Variants in COL13A1 observed in about 807,000 individuals in gnomAD.
COL13A1 encodes the protein collagen alpha-1(XIII) chain.
Under a neutral mutation model 130.9 loss-of-function variants are expected in COL13A1, and 89 were observed. The ratio of observed to expected loss-of-function variants is 0.68; its 90% CI spans 0.57 to 0.81. COL13A1 has a LOEUF of 0.81. COL13A1 is among the 30% of genes least tolerant of loss of function. The pLI is 0.00. For synonymous variants in COL13A1, 402 were observed against 341.6 expected (o/e 1.18, Z -1.95); for missense variants, 879 against 934.6 (o/e 0.94, Z 0.78).
intron 40 of COL13A1, among the ~76,000 whole-genome samples, chr10:69,957,596 T>A (rs986386545): frequency 6.6e-6 from 1 of 152,224 alleles, no homozygotes; most frequent in African/African-American, 2.4e-5. Flanking sequence ...TGAGTTTTCA[T>A]TGATTCACAC....
intron 31 of COL13A1, among the ~76,000 whole-genome samples, chr10:69,934,567 C>T (rs946214205): frequency 1.3e-5 from 2 of 152,180 alleles, no homozygotes; most frequent in Non-Finnish European, 2.9e-5. Context: ...GAAGCCGAGG[C>T]GGGGTGAGCA....
chr10:69,935,758 C>T (rs2066748332), intron 32 of COL13A1, among the ~76,000 whole-genome samples: 1 of 152,152 alleles, frequency 6.6e-6, no homozygotes, highest in Non-Finnish European at 1.5e-5. Context: ...TGATACCAAT[C>T]TGGCACTCTG....
intron 2 of COL13A1, among the ~76,000 whole-genome samples, chr10:69,856,310 C>A (rs1270548857): frequency 6.6e-6 from 1 of 152,186 alleles, no homozygotes. Context: ...CCATTTTAGG[C>A]ACACAGGCAA....
intron 24 of COL13A1, 134 bp downstream of exon 24, chr10:69,923,989 C>T (rs1339228475): frequency 2.4e-6 from 3 of 1,269,950 alleles, no homozygotes; most frequent in African/African-American, 3.0e-5. Flanking sequence ...TCCCTAATTC[C>T]TGGTTGGCTT....
At position 69,905,042 on chromosome 10, in the gene COL13A1, G is replaced by A. The variant is rs1378267910; in HGVS notation, c.885+83G>A. 12 of 1,472,028 alleles carry A rather than the reference G, an allele frequency of 8.2e-6. No individual in the cohort carries two copies. In the Admixed American group the frequency reaches 2.2e-4, roughly 28 times the overall value. The allele number at this position is 1,472,028 out of a possible 1,614,324, so 91.2% of individuals were successfully genotyped here. ...GGGGGAGGCAGCACAGAAGGTGACT[G>A]AGGCAGGAGCAGAGAGGGATCTCAG... is the stretch of plus-strand genomic sequence containing the variant. On this transcript the variant is annotated intron_variant, in intron 16 of 40. Coordinates refer to ENST00000645393, the MANE Select transcript of COL13A1 (RefSeq NM_001368882.1).
chr10:69,827,780 T>G (rs1847850448), intron 2 of COL13A1, among the ~76,000 whole-genome samples: 1 of 152,176 alleles, frequency 6.6e-6, no homozygotes, highest in African/African-American at 2.4e-5. Flanking sequence ...CTTGCCTTAT[T>G]TTCCCTGGCA....
At chr10:69,900,818 C>A (rs1055939829) in intron 14 of COL13A1, among the ~76,000 whole-genome samples, 3 of 152,156 alleles carry the variant, frequency 2.0e-5, no homozygotes, top group Non-Finnish European at 4.4e-5. Flanking sequence ...TGGGTCCTGG[C>A]GCCACCCTGA....
intron 1 of COL13A1, among the ~76,000 whole-genome samples, chr10:69,816,831 GA>G (rs1844664704): frequency 6.6e-6 from 1 of 152,166 alleles, no homozygotes; most frequent in Non-Finnish European, 1.5e-5. Flanking sequence ...GTTCTTAGGG[GA>G]CAGTAGGGGA....
chr10:69,882,373 G>A (rs1001743390), intron 7 of COL13A1, among the ~76,000 whole-genome samples: 1 of 150,018 alleles, frequency 6.7e-6, no homozygotes, highest in Admixed American at 6.6e-5. Context: ...GGGCAGTAGA[G>A]CCTCTGCTCC....
At chr10:69,838,531 T>C (rs1310047911) in intron 2 of COL13A1, among the ~76,000 whole-genome samples, 1 of 152,236 alleles carries the variant, frequency 6.6e-6, no homozygotes, top group Non-Finnish European at 1.5e-5. Context: ...ATCAGTGGTA[T>C]TGAGCTGCTG....
chr10:69,848,983 G>A (rs1853933002), intron 2 of COL13A1, among the ~76,000 whole-genome samples: 3 of 152,102 alleles, frequency 2.0e-5, no homozygotes, highest in Admixed American at 1.3e-4. Context: ...AGACACCCAG[G>A]GTGCCTTGAC....
intron 21 of COL13A1, 49 bp from the exon 22 acceptor site, chr10:69,921,833 T>C: frequency 1.3e-6 from 2 of 1,574,596 alleles, no homozygotes; most frequent in Non-Finnish European, 1.7e-6. Context: ...TTCCCAAACC[T>C]GCTGCAGAAA....
intron 3 of COL13A1, among the ~76,000 whole-genome samples, chr10:69,870,333 G>A (rs74912000): frequency 0.2 from 29,697 of 150,552 alleles, 3,154 homozygotes; most frequent in Middle Eastern, 0.26. Context: ...GAGAGTGAGA[G>A]GCAGGGTCTC....
chr10:69,860,938 G>A (rs1857878917), intron 2 of COL13A1, among the ~76,000 whole-genome samples: 1 of 152,208 alleles, frequency 6.6e-6, no homozygotes, highest in Non-Finnish European at 1.5e-5. Context: ...TGGAAACACA[G>A]GACTGCATCG....
chr10:69,929,612 C>A (rs1393299864), intron 28 of COL13A1, among the ~76,000 whole-genome samples: 1 of 152,168 alleles, frequency 6.6e-6, no homozygotes. Flanking sequence ...CCCACCTGAC[C>A]CAAAGAAGGG....
intron 39 of COL13A1, chr10:69,955,989 C>T (rs943781181): frequency 6.6e-6 from 1 of 152,170 alleles, no homozygotes; most frequent in African/African-American, 2.4e-5. Flanking sequence ...AGGTTTCAGC[C>T]CCTGGCGTGG....
At chr10:69,880,396 C>A (rs1476487850) in intron 6 of COL13A1, 107 bp from the exon 7 acceptor site, 1 of 741,544 alleles carries the variant, frequency 1.3e-6, no homozygotes, top group East Asian at 2.7e-5. Context: ...CGGCCTCCTG[C>A]TCCTGGCCCC....
chr10:69,932,502 G>C (rs76521405), intron 30 of COL13A1, 58 bp from the exon 31 acceptor site: 4 of 1,277,332 alleles, frequency 3.1e-6, no homozygotes, highest in Non-Finnish European at 3.4e-6. Context: ...GTGAGGGTGC[G>C]TCTGTCCCAG....
chr10:69,847,139 C>T (rs543028737), intron 2 of COL13A1, among the ~76,000 whole-genome samples: 2 of 152,284 alleles, frequency 1.3e-5, no homozygotes, highest in Admixed American at 6.5e-5. Context: ...GGTGCCGGAC[C>T]GCATGCTTAG....
Sources: allele counts gnomAD v4.1 joint callset (sites outside exome capture counted in the v4.1 genomes callset), GRCh38; gene constraint gnomAD v4.1.1; transcripts MANE v1.5; gene names NCBI Gene and HGNC (gene_info 2026-07-23, HGNC 2026-07-21).